Variants in DLGAP2 observed in about 807,000 individuals in gnomAD.
The protein encoded by DLGAP2 is DLG associated protein 2.
DLGAP2 carries 26 observed loss-of-function variants against 100.3 expected under a neutral mutation model. The ratio of observed to expected loss-of-function variants is 0.26; its 90% confidence interval spans 0.19 to 0.36. The LOEUF is 0.36. Among genes scored for constraint, DLGAP2 ranks in the 10% least tolerant of loss-of-function variants. DLGAP2 has a pLI of 1.00. For synonymous variants in DLGAP2, 886 were observed against 630.1 expected, an observed-to-expected ratio of 1.41 and a Z score of -6.08; for missense variants, 1,858 against 1,453.2, an observed-to-expected ratio of 1.28 and a Z score of -4.53.
intron 3 of DLGAP2, among the ~76,000 whole-genome samples, chr8:1,475,474 G>A (rs1798904996): frequency 6.6e-6 from 1 of 152,120 alleles, no homozygotes; most frequent in South Asian, 2.1e-4. Flanking sequence ...CAAAATGAGA[G>A]CACTCCGCAC....
intron 2 of DLGAP2, among the ~76,000 whole-genome samples, chr8:1,227,765 A>G (rs1241495133): frequency 6.6e-6 from 1 of 152,190 alleles, no homozygotes; most frequent in Non-Finnish European, 1.5e-5. Context: ...GAGGAAAAGG[A>G]GAAATGTAGG....
At position 1,430,011 on chromosome 8, in the gene DLGAP2, T is replaced by TAC. The variant is rs1554467356; in HGVS notation, c.107-71354_107-71353insCA. On this transcript the variant is annotated intron_variant, in intron 3 of 14. Coordinates refer to ENST00000637795, the MANE Select transcript of DLGAP2 (RefSeq NM_001346810.2). ...GGGGAGAGATGCATATATATACATA[T>TAC]ATATATATATATATATACACACACA... 4.8e-3 allele frequency among the ~76,000 whole-genome samples: 309 copies of TAC among 63,932 alleles called. 48 individuals are homozygous for TAC. The highest frequency in any genetic ancestry group is 8.2e-3 in the Middle Eastern group (1 of 122). The allele number at this position is 63,932 out of a possible 152,430, so 41.9% of individuals were successfully genotyped here.
rs774131221 is a variant in DLGAP2 at position 1,363,012 on chromosome 8, C to T, written c.106+104129C>T. ...GGAAGCCACATCTCAGCCCCACCGC[C>T]GGACACAGGCCTGAGCCACCAGATC... On this transcript the variant is annotated intron_variant, in intron 3 of 14. Transcript: ENST00000637795. Among the ~76,000 whole-genome samples the T allele has an allele frequency of 2.0e-3, 312 of 152,314 alleles. No individual in the cohort carries two copies. The Middle Eastern group carries it at 0.027, about 13-fold the overall frequency.
chr8:1,469,632 A>C (rs545990294), intron 3 of DLGAP2, among the ~76,000 whole-genome samples: 35 of 152,292 alleles, frequency 2.3e-4, no homozygotes, highest in African/African-American at 7.9e-4. Flanking sequence ...TGAAATCACC[A>C]ATGCATCTGC....
At chr8:1,516,975 C>T (rs1468646177) in intron 4 of DLGAP2, among the ~76,000 whole-genome samples, 2 of 152,152 alleles carry the variant, frequency 1.3e-5, no homozygotes, top group East Asian at 1.9e-4. Context: ...TCTCAGGCAG[C>T]GAGAGCCTGC....
rs1157128844 is a variant in DLGAP2 at position 1,317,306 on chromosome 8, A to T, written c.106+58423A>T. On this transcript the variant is annotated intron_variant, in intron 3 of 14. Coordinates refer to ENST00000637795, the MANE Select transcript of DLGAP2 (RefSeq NM_001346810.2). ...ACACTCGAGAAACTCGGCAGCTTTTAAAAATAGAGGCTGTGCGAGTGCAGC... is the reference window on the plus strand; with the variant it reads ...ACACTCGAGAAACTCGGCAGCTTTTTAAAATAGAGGCTGTGCGAGTGCAGC... Among the ~76,000 whole-genome samples, 493 of 130,642 alleles carry T rather than the reference A, an allele frequency of 3.8e-3. 2 individuals carry two copies. The highest frequency in any genetic ancestry group is 0.011 in the Middle Eastern group (2 of 188). 85.7% of individuals were successfully genotyped at this position (130,642 alleles called of 152,430 possible).
intron 8 of DLGAP2, among the ~76,000 whole-genome samples, chr8:1,637,628 A>G (rs1195197477): frequency 6.6e-6 from 1 of 152,224 alleles, no homozygotes; most frequent in South Asian, 2.1e-4. Flanking sequence ...CAATCATCTT[A>G]TATGCCAATT....
rs1484217942 is a variant in DLGAP2, at chr8:1,626,886, A to G, written c.1589A>G (p.Gln530Arg). 2 of 1,596,652 alleles carry G rather than the reference A, an allele frequency of 1.3e-6. No individual in the cohort carries two copies. Among genetic ancestry groups the G allele is most frequent in the South Asian group, 1.1e-5 (1 of 87,332 alleles). ...STLSQASCVS[Q>R]VSEAEINGQF... ...CTGAGCCAGGCCAGCTGCGTGAGCC[A>G]GGTCAGGGTCCCTTCGCCCTTTCTC... The change falls in exon 7 of 15, where the codon CAG (glutamine) becomes CGG (arginine). Residue 530 changes from glutamine (Q) to arginine (R), a missense_variant and splice_region_variant. Transcript: ENST00000637795.
chr8:1,264,231 G>A (rs13251325), intron 3 of DLGAP2, among the ~76,000 whole-genome samples: 24,963 of 152,166 alleles, frequency 0.16, 2,430 homozygotes, highest in Middle Eastern at 0.3. Flanking sequence ...GGATCAGCAC[G>A]AGTTCCAGCT....
intron 2 of DLGAP2, among the ~76,000 whole-genome samples, chr8:1,042,692 G>T (rs573209752): frequency 1.6e-4 from 24 of 152,082 alleles, no homozygotes; most frequent in African/African-American, 5.8e-4. Context: ...GTGGATGTGG[G>T]TGTTGGATGT....
At chr8:1,240,960 T>TC in intron 2 of DLGAP2, among the ~76,000 whole-genome samples, 1 of 3,230 alleles carries the variant, frequency 3.1e-4, no homozygotes, top group Admixed American at 1.9e-3. Context: ...CTAGTTCTCT[T>TC]ACATGGCGCC....
chr8:1,491,077 C>CAAAAAAAAAAAAAAAA (rs386411871), intron 3 of DLGAP2, among the ~76,000 whole-genome samples: 1 of 64,502 alleles, frequency 1.6e-5, no homozygotes, highest in East Asian at 5.2e-4. Flanking sequence ...AACTGGAAAC[C>CAAAAAAAAAAAAAAAA]AAAAAAAAAA....
Position 1,184,654 on chromosome 8 carries a change from A to T in DLGAP2, c.74-74197A>T, listed in dbSNP as rs1382174582. 3.3e-5 allele frequency among the ~76,000 whole-genome samples: 5 copies of T among 152,272 alleles called. No homozygotes were observed. The East Asian group carries it at 9.7e-4, about 30-fold the overall frequency. ...GAGTGCAAGGTCGTTTTCAGCAGGC[A>T]GCACCCTCGGAGTTTGCGGGAAACA... On this transcript the variant is annotated intron_variant, in intron 2 of 14. Coordinates refer to ENST00000637795, the MANE Select transcript of DLGAP2 (RefSeq NM_001346810.2).
At chr8:1,173,828 G>A (rs1001370371) in intron 2 of DLGAP2, among the ~76,000 whole-genome samples, 7 of 152,176 alleles carry the variant, frequency 4.6e-5, no homozygotes, top group South Asian at 2.1e-4. Flanking sequence ...GACCCATTGC[G>A]CTTCCTGAGT....
At chr8:1,641,323 G>C (rs1401827585) in intron 8 of DLGAP2, among the ~76,000 whole-genome samples, 3 of 152,156 alleles carry the variant, frequency 2.0e-5, no homozygotes, top group Non-Finnish European at 2.9e-5. Flanking sequence ...TTTTCCCCAA[G>C]TGTGTAGCCT....
chr8:1,223,297 C>T (rs1167980614), intron 2 of DLGAP2, among the ~76,000 whole-genome samples: 5 of 152,168 alleles, frequency 3.3e-5, no homozygotes, highest in African/African-American at 1.2e-4. Context: ...AGGATCTGTT[C>T]ACAGTGTGCA....
At chr8:1,391,398 G>C (rs756824439) in intron 3 of DLGAP2, among the ~76,000 whole-genome samples, 1 of 152,204 alleles carries the variant, frequency 6.6e-6, no homozygotes. Context: ...GCAGAGGCAC[G>C]CGGCTTATCC....
intron 6 of DLGAP2, among the ~76,000 whole-genome samples, chr8:1,597,933 C>T (rs1396250924): frequency 6.6e-6 from 1 of 152,200 alleles, no homozygotes; most frequent in Non-Finnish European, 1.5e-5. Flanking sequence ...GACAGGGCAT[C>T]CCTGTCTTGT....
rs868679734 is a variant in DLGAP2, at chr8:1,669,464, C to T, written c.2161-279C>T. ...GCGCATCCCTCCGGGATCTGGCGGA[C>T]GTGGTTGAGCAGGGCTGGCCGTCAA... On this transcript the variant is annotated intron_variant, in intron 9 of 14. Coordinates refer to ENST00000637795, the MANE Select transcript of DLGAP2 (RefSeq NM_001346810.2). 2.8e-4 allele frequency among the ~76,000 whole-genome samples: 43 copies of T among 152,354 alleles called. No individual in the cohort carries two copies. In the Middle Eastern group the frequency reaches 0.02, roughly 72 times the overall value.
Sources: gnomAD v4.1 joint callset for allele counts (sites outside exome capture counted in the v4.1 genomes callset) on GRCh38, gnomAD v4.1.1 for gene constraint, MANE v1.5 for transcripts, NCBI Gene and HGNC (gene_info 2026-07-23, HGNC 2026-07-21) for gene names.